The following TACC2 variants were observed in gnomAD, a reference collection of about 807,000 sequenced individuals.
The protein encoded by TACC2 is transforming acidic coiled-coil-containing protein 2.
Under a neutral mutation model 227.3 loss-of-function variants are expected in TACC2, and 137 were observed. The ratio of observed to expected loss-of-function variants is 0.60; its 90% CI spans 0.52 to 0.69. The LOEUF is 0.69. TACC2 is among the 30% of genes least tolerant of loss of function. The probability of loss-of-function intolerance (pLI) is 0.00; values close to 1 mark genes in which losing one functional copy is unlikely to be tolerated. For missense variants in TACC2, 3,470 were observed against 3,694.4 expected, an observed-to-expected ratio of 0.94 and a Z score of 1.57; for synonymous variants, 1,523 against 1,487.5, an observed-to-expected ratio of 1.02 and a Z score of -0.55.
rs192430874 is a variant in TACC2 at position 121,998,601 on chromosome 10, A to G, written c.-46+9113A>G. 4.0e-3 allele frequency among the ~76,000 whole-genome samples: 612 copies of G among 152,300 alleles called. 2 individuals carry two copies. The highest frequency in any genetic ancestry group is 5.1e-3 in the Non-Finnish European group (348 of 68,024). The stretch of plus-strand genomic sequence containing the variant: ...AGGGTGTTTAAAATCGACACAGTGG[A>G]GAGAGTGGCTGTGATGAGTGACTAC... On this transcript the variant is annotated intron_variant, in intron 1 of 22. Transcript: ENST00000369005.
chr10:122,100,425 C>G (rs1444830238), intron 5 of TACC2, among the ~76,000 whole-genome samples: 1 of 150,596 alleles, frequency 6.6e-6, no homozygotes, highest in Admixed American at 6.6e-5. Context: ...GTCTTCTCTT[C>G]CTTTTTTTTT....
intron 3 of TACC2, among the ~76,000 whole-genome samples, chr10:122,058,696 C>T (rs2076456720): frequency 6.6e-6 from 1 of 152,098 alleles, no homozygotes; most frequent in Admixed American, 6.6e-5. Context: ...GCATGAGCCA[C>T]CGTGCCTGGC....
intron 6 of TACC2, among the ~76,000 whole-genome samples, chr10:122,138,385 C>G (rs113069666): frequency 3.9e-5 from 6 of 152,256 alleles, no homozygotes; most frequent in African/African-American, 1.4e-4. Flanking sequence ...TGGCAGGCAT[C>G]TGTAATCCCA....
chr10:122,238,990 C>T (rs555499260), intron 18 of TACC2, among the ~76,000 whole-genome samples: 15 of 151,926 alleles, frequency 9.9e-5, no homozygotes, highest in Non-Finnish European at 1.9e-4. Context: ...GTGCAATGGC[C>T]GATACTAGTT....
At chr10:122,061,487 T>C (rs1191967658) in intron 3 of TACC2, among the ~76,000 whole-genome samples, 1 of 152,006 alleles carries the variant, frequency 6.6e-6, no homozygotes, top group East Asian at 1.9e-4. Context: ...CAGGACAAAG[T>C]GCCGACTATC....
At chr10:122,213,769 ACTGT>A (rs1299732869) in intron 9 of TACC2, among the ~76,000 whole-genome samples, 2 of 152,230 alleles carry the variant, frequency 1.3e-5, no homozygotes, top group African/African-American at 2.4e-5. Flanking sequence ...CGTTAAAATA[ACTGT>A]CTGGTCTAAC....
chr10:122,195,633 G>T (rs2094542254), intron 8 of TACC2, among the ~76,000 whole-genome samples: 1 of 152,200 alleles, frequency 6.6e-6, no homozygotes. Flanking sequence ...TGAATCTCGT[G>T]TCACCTGATT....
Position 122,143,452 on chromosome 10 carries a change from G to C in TACC2, c.5700-120G>C, listed in dbSNP as rs545238258. 7 of 1,094,612 alleles carry C rather than the reference G, an allele frequency of 6.4e-6. No homozygotes were observed. The African/African-American group carries it at 7.5e-5, about 12-fold the overall frequency. 67.8% of individuals were successfully genotyped at this position (1,094,612 alleles called of 1,614,324 possible). On this transcript the variant is annotated intron_variant, in intron 6 of 22. Transcript: ENST00000369005. The stretch of plus-strand genomic sequence containing the variant: ...GGGGAAGCCGGGGAGCCAAGTGCTG[G>C]GGTTTAAAGAGTCCATTCCATGTGT...
At chr10:122,036,497 A>G (rs1960427097) in intron 2 of TACC2, among the ~76,000 whole-genome samples, 1 of 98,006 alleles carries the variant, frequency 1.0e-5, no homozygotes, top group Admixed American at 1.5e-4. Flanking sequence ...CTGGCAATCC[A>G]TTCTTTTTTT....
Position 122,229,388 on chromosome 10 carries a change from A to G in TACC2, c.7939A>G (p.Ser2647Gly). The G allele has an allele frequency of 6.2e-7, 1 of 1,613,576 alleles. No homozygotes were observed. The highest frequency in any genetic ancestry group is 8.5e-7 in the Non-Finnish European group (1 of 1,179,870). The change falls in exon 15 of 23, where the codon AGC becomes GGC. Residue 2647 changes from serine to glycine, a missense_variant. Around this residue, in one of 10 missense-constraint regions of TACC2, gnomAD observed 345 missense variants for 354.4 expected, o/e 0.97. Transcript: ENST00000369005. ...CTTTGCCTCTGCTGACGCCCTCCTC[A>G]GCAGGCTAGCTCACCCCGTCTCTCT... ...GSFASADALL[S>G]RLAHPVSLCG...
intron 1 of TACC2, among the ~76,000 whole-genome samples, chr10:121,995,479 C>T (rs1336091410): frequency 3.3e-5 from 5 of 152,152 alleles, no homozygotes; most frequent in South Asian, 2.1e-4. Flanking sequence ...GTAATATCTG[C>T]GTATGTGTGT....
chr10:122,157,789 T>A lies in TACC2; in HGVS notation c.5834+14083T>A, dbSNP rs563879355. ...CAAAAGCTACCTCATGAGCGTCTCCTACCATTTCCGTCTCAAAAGAGCTGA... is the reference window on the plus strand; with the variant it reads ...CAAAAGCTACCTCATGAGCGTCTCCAACCATTTCCGTCTCAAAAGAGCTGA... On this transcript the variant is annotated intron_variant, in intron 7 of 22. Transcript: ENST00000369005. Among the ~76,000 whole-genome samples, 4 of 152,218 alleles carry A rather than the reference T, an allele frequency of 2.6e-5. No individual in the cohort carries two copies. The South Asian group carries it at 8.3e-4, about 32-fold the overall frequency.
intron 1 of TACC2, among the ~76,000 whole-genome samples, chr10:121,996,901 C>T (rs1953575647): frequency 6.6e-6 from 1 of 152,110 alleles, no homozygotes; most frequent in South Asian, 2.1e-4. Context: ...CCATGGGAAT[C>T]AATGGACTCT....
intron 9 of TACC2, chr10:122,213,337 C>G (rs2095335997): frequency 5.0e-6 from 8 of 1,611,466 alleles, no homozygotes; most frequent in African/African-American, 1.3e-5. Context: ...GTCTTCTTGT[C>G]TTAGGATGGT....
chr10:122,031,397 C>CTTTTTTT (rs758476678), intron 2 of TACC2, among the ~76,000 whole-genome samples: 13 of 91,750 alleles, frequency 1.4e-4, no homozygotes, highest in East Asian at 6.5e-4. Flanking sequence ...GGTCTAGCCT[C>CTTTTTTT]TTTTTTTTTT....
chr10:122,011,871 G>A (rs1955971247), intron 1 of TACC2, among the ~76,000 whole-genome samples: 1 of 152,132 alleles, frequency 6.6e-6, no homozygotes, highest in African/African-American at 2.4e-5. Flanking sequence ...ACCTAGGTTT[G>A]GATCTCAGCT....
chr10:122,252,652 A>G lies in TACC2; in HGVS notation c.8782-1339A>G, dbSNP rs569015348. 2.0e-5 allele frequency among the ~76,000 whole-genome samples: 3 copies of G among 151,944 alleles called. No individual in the cohort carries two copies. The East Asian group carries it at 5.8e-4, about 29-fold the overall frequency. ...ATTACAGGTGTGTGCCACCACGCCC[A>G]GCTAATTTTTTTGTATTTTTAGTAG... On this transcript the variant is annotated intron_variant, in intron 22 of 22. Transcript: ENST00000369005.
At chr10:121,991,878 A>G (rs1249269535) in intron 1 of TACC2, among the ~76,000 whole-genome samples, 1 of 152,218 alleles carries the variant, frequency 6.6e-6, no homozygotes, top group Admixed American at 6.5e-5. Flanking sequence ...CCTCATAATC[A>G]TGGCAGGAGG....
chr10:122,236,010 T>C (rs1317051883), intron 16 of TACC2, among the ~76,000 whole-genome samples: 1 of 152,140 alleles, frequency 6.6e-6, no homozygotes, highest in East Asian at 1.9e-4. Context: ...CTATATAGTT[T>C]CACCCTGCAT....
Sources: allele counts gnomAD v4.1 joint callset (sites outside exome capture counted in the v4.1 genomes callset), GRCh38; gene constraint gnomAD v4.1.1; regional missense constraint gnomAD v4.1.1; transcripts MANE v1.5; gene names NCBI Gene and HGNC (gene_info 2026-07-23, HGNC 2026-07-21).